Variants in ANO3 observed in about 807,000 individuals in gnomAD.
The protein encoded by ANO3 is anoctamin 3, also known as anoctamin-3.
Under a neutral mutation model 144.8 loss-of-function variants are expected in ANO3, and 99 were observed. That is an observed-to-expected ratio of 0.68 (90% CI 0.58 to 0.81). ANO3 has a LOEUF of 0.81. ANO3 is among the 30% of genes least tolerant of loss of function. The probability of loss-of-function intolerance (pLI) is 0.00; values close to 1 mark genes in which losing one functional copy is unlikely to be tolerated. For synonymous variants in ANO3, 414 were observed against 392.6 expected, an observed-to-expected ratio of 1.05 and a Z score of -0.64; for missense variants, 905 against 1,202.2, an observed-to-expected ratio of 0.75 and a Z score of 3.66.
At chr11:26,611,548 G>A (rs1852098754) in intron 17 of ANO3, among the ~76,000 whole-genome samples, 1 of 152,168 alleles carries the variant, frequency 6.6e-6, no homozygotes, top group African/African-American at 2.4e-5. Flanking sequence ...CCTGGAGAAT[G>A]TTCTATATGC....
intron 6 of ANO3, 92 bp downstream of exon 6, chr11:26,517,019 A>T (rs1356572773): frequency 3.3e-6 from 2 of 614,096 alleles, no homozygotes; most frequent in Non-Finnish European, 5.3e-6. Flanking sequence ...AACCCCTTCT[A>T]CAGAGAAAAT....
intron 14 of ANO3, among the ~76,000 whole-genome samples, chr11:26,567,670 G>T (rs1850645708): frequency 6.6e-6 from 1 of 151,904 alleles, no homozygotes; most frequent in Admixed American, 6.6e-5. Context: ...TATCTTCCAT[G>T]CCCTATGGTT....
chr11:26,538,843 T>G (rs755524423), intron 10 of ANO3, among the ~76,000 whole-genome samples: 2 of 152,132 alleles, frequency 1.3e-5, no homozygotes, highest in Non-Finnish European at 2.9e-5. Flanking sequence ...TAAAATGGGC[T>G]CAGGAATTTT....
intron 17 of ANO3, among the ~76,000 whole-genome samples, chr11:26,622,922 GGGTGCTCAA>G (rs1412740546): frequency 3.9e-5 from 6 of 152,286 alleles, no homozygotes; most frequent in African/African-American, 1.4e-4. Flanking sequence ...GAGGCATAGT[GGGTGCTCAA>G]GTACTATTTT....
intron 14 of ANO3, among the ~76,000 whole-genome samples, chr11:26,561,501 T>C (rs558854231): frequency 6.6e-6 from 1 of 152,136 alleles, no homozygotes; most frequent in East Asian, 1.9e-4. Flanking sequence ...ATCAATACCT[T>C]GCATAAAGAA....
intron 1 of ANO3, among the ~76,000 whole-genome samples, chr11:26,293,339 T>G (rs1208069056): frequency 6.6e-6 from 1 of 151,486 alleles, no homozygotes; most frequent in Non-Finnish European, 1.5e-5. Context: ...AGGCTAATAT[T>G]TTTCTGAAAT....
At chr11:26,548,026 A>T (rs1478367664) in intron 12 of ANO3, among the ~76,000 whole-genome samples, 1 of 151,988 alleles carries the variant, frequency 6.6e-6, no homozygotes, top group Non-Finnish European at 1.5e-5. Context: ...TAATATACTT[A>T]AAGATGTCTA....
intron 1 of ANO3, among the ~76,000 whole-genome samples, chr11:26,202,314 A>C (rs974109937): frequency 6.9e-6 from 1 of 145,960 alleles, no homozygotes; most frequent in Non-Finnish European, 1.5e-5. Context: ...TATATATATC[A>C]TATAGATACA....
chr11:26,509,807 A>G (rs772157911), intron 5 of ANO3, among the ~76,000 whole-genome samples: 2 of 149,860 alleles, frequency 1.3e-5, no homozygotes, highest in Non-Finnish European at 3.0e-5. Context: ...AGGAACACAC[A>G]TTAGGAAGTA....
intron 3 of ANO3, among the ~76,000 whole-genome samples, chr11:26,450,744 G>C (rs1858900547): frequency 6.6e-6 from 1 of 151,200 alleles, no homozygotes; most frequent in South Asian, 2.1e-4. Flanking sequence ...ACTCAAATTA[G>C]ACAATATTTG....
rs576061693 is a variant in ANO3 at position 26,265,188 on chromosome 11, T to C, written c.155-44457T>C. Among the ~76,000 whole-genome samples, 10 of 152,312 alleles carry C rather than the reference T, an allele frequency of 6.6e-5. No homozygotes were observed. The East Asian group carries it at 1.9e-3, about 29-fold the overall frequency. ...TAATCCCTAGAGATTCTTCAAGAACTAACTTTAGCATCATCCTCTGTACAA... is the reference window on the plus strand; with the variant it reads ...TAATCCCTAGAGATTCTTCAAGAACCAACTTTAGCATCATCCTCTGTACAA... On this transcript the variant is annotated intron_variant, in intron 1 of 27. Transcript: ENST00000672621.
Position 26,663,025 on chromosome 11 carries a change from T to C in ANO3, c.*2581T>C, listed in dbSNP as rs529579071. The C allele has an allele frequency of 6.6e-6, 1 of 152,614 alleles. No individual in the cohort carries two copies. The highest frequency in any genetic ancestry group is 2.1e-4 in the South Asian group (1 of 4,828). 9.5% of individuals were successfully genotyped at this position (152,614 alleles called of 1,614,324 possible). A position where few individuals can be genotyped will look rare whatever the true frequency, so the allele number is the denominator to read the frequency against. On this transcript the variant is annotated 3_prime_UTR_variant, in exon 27 of 27. Transcript: ENST00000256737. ...AGCAAATAACTAATATATATGTGCA[T>C]GCAGTCTGCCTTGACAAGTTGTTCC... is the stretch of plus-strand genomic sequence containing the variant.
chr11:26,365,721 A>G (rs1482709913), intron 1 of ANO3, among the ~76,000 whole-genome samples: 1 of 152,088 alleles, frequency 6.6e-6, no homozygotes, highest in Admixed American at 6.6e-5. Flanking sequence ...CAGTGTCCCA[A>G]GGCTGTGCAG....
At chr11:26,526,343 G>C (rs1849162160) in intron 7 of ANO3, among the ~76,000 whole-genome samples, 1 of 152,102 alleles carries the variant, frequency 6.6e-6, no homozygotes, top group Non-Finnish European at 1.5e-5. Flanking sequence ...TTAACTGGAA[G>C]AAATCAGCTC....
chr11:26,225,614 A>T (rs1161838813), intron 1 of ANO3, among the ~76,000 whole-genome samples: 1 of 152,110 alleles, frequency 6.6e-6, no homozygotes, highest in African/African-American at 2.4e-5. Context: ...CATTTCATTA[A>T]AGTAGTTGCT....
chr11:26,585,799 T>G (rs1311052672), intron 14 of ANO3, among the ~76,000 whole-genome samples: 1 of 152,212 alleles, frequency 6.6e-6, no homozygotes, highest in African/African-American at 2.4e-5. Context: ...TCCAAATTTC[T>G]CATATGTTAA....
At chr11:26,583,699 T>G (rs1430010307) in intron 14 of ANO3, among the ~76,000 whole-genome samples, 1 of 152,168 alleles carries the variant, frequency 6.6e-6, no homozygotes, top group Admixed American at 6.5e-5. Context: ...TTAGCAAGGT[T>G]TCTGTTTCTA....
chr11:26,389,227 T>C (rs1229188589), intron 1 of ANO3, among the ~76,000 whole-genome samples: 2 of 152,090 alleles, frequency 1.3e-5, no homozygotes, highest in African/African-American at 2.4e-5. Flanking sequence ...CAAAACAGTA[T>C]AGCAAGAAAC....
chr11:26,536,052 G>C (rs1223835607), intron 9 of ANO3, among the ~76,000 whole-genome samples: 2 of 151,232 alleles, frequency 1.3e-5, no homozygotes, highest in East Asian at 3.9e-4. Context: ...GGGTGCGGTG[G>C]CTCAAGCCTG....
Sources: allele counts gnomAD v4.1 joint callset (sites outside exome capture counted in the v4.1 genomes callset), GRCh38; gene constraint gnomAD v4.1.1; transcripts MANE v1.5; gene names NCBI Gene and HGNC (gene_info 2026-07-23, HGNC 2026-07-21).